The following SHMT2 variants were observed in gnomAD, a reference collection of about 807,000 sequenced individuals.
The protein encoded by SHMT2 is serine hydroxymethyltransferase, mitochondrial.
Under a neutral mutation model 59.6 loss-of-function variants are expected in SHMT2, and 38 were observed. The ratio of observed to expected loss-of-function variants is 0.64; its 90% CI spans 0.49 to 0.84. The LOEUF is 0.84. Ranked by LOEUF, SHMT2 falls within the 40% of genes least tolerant of loss-of-function variation. The probability of loss-of-function intolerance (pLI) is 0.00; values close to 1 mark genes in which losing one functional copy is unlikely to be tolerated. For synonymous variants in SHMT2, 254 were observed against 258.1 expected (o/e 0.98, Z 0.15); for missense variants, 533 against 659.5 (o/e 0.81, Z 2.10).
At chr12:57,231,198 G>C (rs932517808) in intron 2 of SHMT2, 198 bp downstream of exon 2, 1 of 636,246 alleles carries the variant, frequency 1.6e-6, no homozygotes, top group East Asian at 2.8e-5. Context: ...GAGCCTCCAG[G>C]GTCCCTACAG....
chr12:57,233,958 G>A, intron 10 of SHMT2, 45 bp from the exon 11 acceptor site: 3 of 1,614,086 alleles, frequency 1.9e-6, no homozygotes, highest in Non-Finnish European at 2.5e-6. Flanking sequence ...TGACTGCCAG[G>A]TGACCTTGGG....
In SHMT2 at chr12:57,229,716, T is replaced by G; in HGVS notation, c.-63T>G. On this transcript the variant is annotated 5_prime_UTR_variant, in exon 1 of 12. Transcript: ENST00000328923. Reference sequence around the variant, plus strand: ...GCATGCGTTCTCCGAACGGTCTTCTTCCGACAGCTTGCTGCCCTAGACCAG... The same window carrying G: ...GCATGCGTTCTCCGAACGGTCTTCTGCCGACAGCTTGCTGCCCTAGACCAG... 1 of 1,607,012 alleles carries G rather than the reference T, an allele frequency of 6.2e-7. No individual in the cohort carries two copies. Among genetic ancestry groups the G allele is most frequent in the Non-Finnish European group, 8.5e-7 (1 of 1,173,534 alleles).
intron 7 of SHMT2, 59 bp downstream of exon 7, chr12:57,232,902 A>G: frequency 3.2e-6 from 5 of 1,574,064 alleles, no homozygotes; most frequent in Non-Finnish European, 4.3e-6. Flanking sequence ...TTCCTGGGGC[A>G]CTGTTGGCCT....
At chr12:57,234,154 ACTGT>A in intron 11 of SHMT2, 44 bp downstream of exon 11, 2 of 1,613,580 alleles carry the variant, frequency 1.2e-6, no homozygotes, top group Non-Finnish European at 1.7e-6. Flanking sequence ...GTTCCCACTC[ACTGT>A]CTGCTCCCTC....
rs536394351 is a variant in SHMT2 at position 57,234,288 on chromosome 12, G to A, written c.1442G>A (p.Arg481His). 168 of 1,613,840 alleles carry A rather than the reference G, an allele frequency of 1.0e-4. 2 individuals are homozygous for A. In the Admixed American group the frequency reaches 2.1e-3, roughly 20 times the overall value. ...CTTAAGGACTCAGAAACAAGTCAGC[G>A]TCTGGCCAACCTCAGGCAACGGGTG... ...FLLKDSETSQ[R>H]LANLRQRVEQ... Residue 481 changes from arginine (R) to histidine (H), a missense_variant, in exon 12 of 12, where the codon CGT (arginine) becomes CAT (histidine). Coordinates refer to ENST00000328923, the MANE Select transcript of SHMT2 (RefSeq NM_005412.6).
At position 57,232,588 on chromosome 12, in the gene SHMT2, G is replaced by A. The variant is rs562939107; in HGVS notation, c.717+13G>A. The A allele has an allele frequency of 4.0e-5, 65 of 1,613,958 alleles. No individual in the cohort carries two copies. Among genetic ancestry groups the A allele is most frequent in the Non-Finnish European group, 5.1e-5 (60 of 1,179,996 alleles). On this transcript the variant is annotated intron_variant, in intron 6 of 11. Coordinates refer to ENST00000328923, the MANE Select transcript of SHMT2 (RefSeq NM_005412.6). Reference sequence around the variant, plus strand: ...CCGCATGAGAGAGGTTGGTGGGGGGGGCTGGAGACTGGGCACCTCCCCAGG... The same window carrying A: ...CCGCATGAGAGAGGTTGGTGGGGGGAGCTGGAGACTGGGCACCTCCCCAGG...
In SHMT2 at chr12:57,233,759, C is replaced by T. The variant is rs376575311; in HGVS notation, c.1134C>T (p.Asp378=). 9.9e-6 allele frequency: 16 copies of T among 1,614,188 alleles called. No homozygotes were observed. Among genetic ancestry groups the T allele is most frequent in the East Asian group, 6.7e-5 (3 of 44,888 alleles). The change falls in exon 10 of 12, where the codon GAC becomes GAT. Residue 378 remains aspartate, a synonymous_variant. Coordinates refer to ENST00000328923, the MANE Select transcript of SHMT2 (RefSeq NM_005412.6). ...RGYSLVSGGT[D]NHLVLVDLRP... ...TCTTACCCACCTTAGGTGGTACTGACAACCACCTGGTGCTGGTGGACCTGC... is the reference window on the plus strand; with the variant it reads ...TCTTACCCACCTTAGGTGGTACTGATAACCACCTGGTGCTGGTGGACCTGC...
chr12:57,234,652 C>T lies in SHMT2; in HGVS notation c.*291C>T, dbSNP rs2037479809. ...CTTTCTTGGGGAAGTTGAGGAGTGC[C>T]CTTCAGAGCCAGTAGCAGGCAGGGG... On this transcript the variant is annotated 3_prime_UTR_variant, in exon 12 of 12. Coordinates refer to ENST00000328923, the MANE Select transcript of SHMT2 (RefSeq NM_005412.6). The T allele has an allele frequency of 3.9e-6, 1 of 259,638 alleles. No homozygotes were observed. Among genetic ancestry groups the T allele is most frequent in the African/African-American group, 2.2e-5 (1 of 44,816 alleles). 16.1% of individuals were successfully genotyped at this position (259,638 alleles called of 1,614,324 possible).
intron 7 of SHMT2, 159 bp downstream of exon 7, chr12:57,233,002 G>A (rs2136791677): frequency 7.9e-7 from 1 of 1,261,244 alleles, no homozygotes; most frequent in Admixed American, 2.6e-5. Flanking sequence ...TGGTGGCCAT[G>A]CCCTGGCAGG....
chr12:57,234,784 CT>C lies in SHMT2; in HGVS notation c.*424del, dbSNP rs1330074337. 4 of 163,082 alleles carry C rather than the reference CT, an allele frequency of 2.5e-5. No individual in the cohort carries two copies. The highest frequency in any genetic ancestry group is 2.7e-5 in the Non-Finnish European group (2 of 75,092). The allele number at this position is 163,082 out of a possible 1,614,324, so 10.1% of individuals were successfully genotyped here. A position where few individuals can be genotyped will look rare whatever the true frequency, so the allele number is the denominator to read the frequency against. The stretch of plus-strand genomic sequence containing the variant: ...CTGGGCCAAACAGTGATTTGTCTCC[CT>C]CAATGTGTACACCGCTCCGCTCCCA... On this transcript the variant is annotated 3_prime_UTR_variant, in exon 12 of 12. Transcript: ENST00000328923.
rs757371548 is a variant in SHMT2, at chr12:57,231,854, C to T, written c.453C>T (p.Tyr151=). 241 of 1,613,956 alleles carry T rather than the reference C, an allele frequency of 1.5e-4. No homozygotes were observed. The highest frequency in any genetic ancestry group is 1.9e-4 in the Non-Finnish European group (226 of 1,179,984). ...GGTCCCCAGCCAACCTGGCCGTCTA[C>T]ACAGCCCTTCTGCAACCTCACGACC... ...YSGSPANLAV[Y]TALLQPHDRI... The change falls in exon 4 of 12, where the codon TAC becomes TAT. Residue 151 remains tyrosine (Y), a synonymous_variant. Coordinates refer to ENST00000328923, the MANE Select transcript of SHMT2 (RefSeq NM_005412.6).
In SHMT2 at chr12:57,229,727, GCT is replaced by G. The variant is rs1417662372; in HGVS notation, c.-51_-50del. ...CCGAACGGTCTTCTTCCGACAGCTT[GCT>G]GCCCTAGACCAGAGTTGGTGGCTGG... On this transcript the variant is annotated 5_prime_UTR_variant, in exon 1 of 12. Transcript: ENST00000328923. The G allele has an allele frequency of 6.2e-7, 1 of 1,612,026 alleles. No homozygotes were observed. The highest frequency in any genetic ancestry group is 1.3e-5 in the African/African-American group (1 of 74,912).
In SHMT2 at chr12:57,233,545, C is replaced by T. The variant is rs1341443421; in HGVS notation, c.1024-18C>T. On this transcript the variant is annotated intron_variant, in intron 8 of 11. Coordinates refer to ENST00000328923, the MANE Select transcript of SHMT2 (RefSeq NM_005412.6). The stretch of plus-strand genomic sequence containing the variant: ...GGGTCCAGGCCTAGGGTGACAGCTG[C>T]TACTGTCTCATCTCCAGGCCTGCAC... 1.9e-6 allele frequency: 3 copies of T among 1,607,382 alleles called. No individual in the cohort carries two copies. Among genetic ancestry groups the T allele is most frequent in the Non-Finnish European group, 1.7e-6 (2 of 1,175,804 alleles).
At chr12:57,233,383 T>TG (rs1371539709) in intron 8 of SHMT2, 38 bp downstream of exon 8, 2 of 1,558,608 alleles carry the variant, frequency 1.3e-6, no homozygotes, top group Non-Finnish European at 1.7e-6. Flanking sequence ...GGGGGGGCAA[T>TG]GGCCTGGAGG....
chr12:57,233,521 G>T, intron 8 of SHMT2, 42 bp from the exon 9 acceptor site: 1 of 1,582,048 alleles, frequency 6.3e-7, no homozygotes, highest in South Asian at 1.1e-5. Flanking sequence ...GCAGGGCTTG[G>T]GTCCAGGCCT....
rs1171974393 is a variant in SHMT2 at position 57,230,983 on chromosome 12, G to T, written c.214G>T (p.Glu72Ter). Reference sequence around the variant, plus strand: ...GAAGGACAGGCAGTGTCGTGGCCTGGAGCTCATTGCCTCAGAGGTGGGACC... The same window carrying T: ...GAAGGACAGGCAGTGTCGTGGCCTGTAGCTCATTGCCTCAGAGGTGGGACC... ...REKDRQCRGL[E>*]LIASENFCSR... is the part of the protein sequence containing the mutation. Residue 72 changes from glutamate to a stop codon, truncating the protein, a stop_gained, in exon 2 of 12, where the codon GAG becomes TAG. Transcript: ENST00000328923. LOFTEE classifies it high-confidence loss of function. The T allele has an allele frequency of 1.2e-6, 2 of 1,613,450 alleles. No homozygotes were observed. The highest frequency in any genetic ancestry group is 1.7e-6 in the Non-Finnish European group (2 of 1,180,030).
chr12:57,231,135 C>A, intron 2 of SHMT2, 135 bp downstream of exon 2: 1 of 881,046 alleles, frequency 1.1e-6, no homozygotes, highest in Non-Finnish European at 1.8e-6. Flanking sequence ...CCTTTCTTAT[C>A]TCCCTCAAGC....
intron 5 of SHMT2, 24 bp downstream of exon 5, chr12:57,232,316 G>A: frequency 1.2e-6 from 2 of 1,613,412 alleles, no homozygotes; most frequent in Non-Finnish European, 1.7e-6. Context: ...GGTGTGGGGA[G>A]GGGCTCTTGG....
chr12:57,231,070 G>T lies in SHMT2; in HGVS notation c.231+70G>T, dbSNP rs2037297335. ...AGGAAGTAACAAAGTTATCTTAACT[G>T]ATATTTCTCCAAAACCCCCTTTCAC... On this transcript the variant is annotated intron_variant, in intron 2 of 11. Transcript: ENST00000328923. 4.1e-6 allele frequency: 6 copies of T among 1,464,146 alleles called. No homozygotes were observed. The East Asian group carries it at 1.4e-4, about 33-fold the overall frequency. The allele number at this position is 1,464,146 out of a possible 1,614,324, so 90.7% of individuals were successfully genotyped here. A position where few individuals can be genotyped will look rare whatever the true frequency, so the allele number is the denominator to read the frequency against.
Sources: gnomAD v4.1 joint callset for allele counts on GRCh38, gnomAD v4.1.1 for gene constraint, MANE v1.5 for transcripts, NCBI Gene and HGNC (gene_info 2026-07-23, HGNC 2026-07-21) for gene names.